MS4A15: variants seen among roughly 807,000 people sequenced by gnomAD.
MS4A15 encodes membrane spanning 4-domains A15.
A neutral mutation model predicts 20.6 loss-of-function variants in MS4A15; 22 were observed. The ratio of observed to expected loss-of-function variants is 1.07; its 90% CI spans 0.76 to 1.52. The LOEUF is 1.52. Ranked by LOEUF, MS4A15 falls within the 40% of genes most tolerant of loss-of-function variation. The pLI is 0.00. For missense variants in MS4A15, 312 were observed against 323.0 expected, an observed-to-expected ratio of 0.97 and a Z score of 0.26; for synonymous variants, 129 against 129.3, an observed-to-expected ratio of 1.00 and a Z score of 0.02.
In MS4A15 at chr11:60,757,699, T is replaced by C. The variant is rs114726684; in HGVS notation, c.-29+641T>C. ...AGGCAATGGCGCCTCCCATCCCCCT[T>C]GAGGAGTCTGGAGGCCGCCCAAGAG... On this transcript the variant is annotated intron_variant, in intron 1 of 6. Transcript: ENST00000405633. Among the ~76,000 whole-genome samples, 699 of 152,222 alleles carry C rather than the reference T, an allele frequency of 4.6e-3. 4 individuals carry two copies. Among genetic ancestry groups the C allele is most frequent in the African/African-American group, 0.016 (664 of 41,526 alleles).
At chr11:60,769,048 G>C (rs1468035484) in intron 3 of MS4A15, among the ~76,000 whole-genome samples, 1 of 152,182 alleles carries the variant, frequency 6.6e-6, no homozygotes, top group Non-Finnish European at 1.5e-5. Flanking sequence ...TTTGCAATCG[G>C]GAGAACCCAT....
At chr11:60,758,438 A>G (rs1459347292) in intron 1 of MS4A15, among the ~76,000 whole-genome samples, 2 of 152,236 alleles carry the variant, frequency 1.3e-5, no homozygotes. Context: ...GCAAATAAGG[A>G]TTGTCAGACA....
In MS4A15 at chr11:60,761,498, G is replaced by A. The variant is rs555695870; in HGVS notation, c.-28-2208G>A. Among the ~76,000 whole-genome samples the A allele has an allele frequency of 2.8e-4, 43 of 152,194 alleles. No homozygotes were observed. The South Asian group carries it at 4.8e-3, about 17-fold the overall frequency. ...TCCAGACAGCCTGCGCCATGTCAAGGGCCTCTGTTTGATAATGGCACCTTA... is the reference window on the plus strand; with the variant it reads ...TCCAGACAGCCTGCGCCATGTCAAGAGCCTCTGTTTGATAATGGCACCTTA... On this transcript the variant is annotated intron_variant, in intron 1 of 6. Transcript: ENST00000405633.
Position 60,763,852 on chromosome 11 carries a change from T to C in MS4A15, c.119T>C (p.Met40Thr). Residue 40 changes from methionine (M) to threonine (T), a missense_variant, in exon 2 of 7, where the codon ATG (methionine) becomes ACG (threonine). Physicochemically the swap from Met to Thr is moderately conservative, Grantham distance 81. Coordinates refer to ENST00000405633, the MANE Select transcript of MS4A15 (RefSeq NM_001098835.2). ...TCCATGTGCCAACCTCCAGGGATTA[T>C]GCAGTTTGAGGAGCCACCGCTGGGG... ...PTSMCQPPGIMQFEEPPLGAQ... is the reference protein window; with the variant it reads ...PTSMCQPPGITQFEEPPLGAQ... 4 of 1,612,878 alleles carry C rather than the reference T, an allele frequency of 2.5e-6. No homozygotes were observed. Among genetic ancestry groups the C allele is most frequent in the Non-Finnish European group, 3.4e-6 (4 of 1,179,890 alleles).
intron 1 of MS4A15, among the ~76,000 whole-genome samples, chr11:60,759,473 G>A (rs973684709): frequency 1.1e-4 from 16 of 152,242 alleles, no homozygotes; most frequent in African/African-American, 1.9e-4. Context: ...GAGACAGCCC[G>A]AGATATGGCC....
At chr11:60,775,131 C>A (rs1228061809) in intron 6 of MS4A15, among the ~76,000 whole-genome samples, 1 of 152,040 alleles carries the variant, frequency 6.6e-6, no homozygotes, top group East Asian at 1.9e-4. Flanking sequence ...GCCTGGCCAA[C>A]ATGATGAAAC....
At chr11:60,775,512 G>A (rs1310415579) in intron 6 of MS4A15, 93 bp from the exon 7 acceptor site, 2 of 943,106 alleles carry the variant, frequency 2.1e-6, no homozygotes, top group East Asian at 4.8e-5. Context: ...GTACCAGGGC[G>A]CTGTTCTCAG....
chr11:60,774,987 C>T (rs950222023), intron 6 of MS4A15, among the ~76,000 whole-genome samples: 1 of 152,148 alleles, frequency 6.6e-6, no homozygotes, highest in African/African-American at 2.4e-5. Flanking sequence ...CAAGAGAGAG[C>T]GAAGTCCTGA....
rs765616209 is a variant in MS4A15, at chr11:60,763,832, G to A, written c.99G>A (p.Met33Ile). The part of the protein sequence containing the change: ...CPPPAILPTS[M>I]CQPPGIMQFE... ...CTCCGGCCATTCTGCCCACATCCAT[G>A]TGCCAACCTCCAGGGATTATGCAGT... is the stretch of plus-strand genomic sequence containing the variant. The change falls in exon 2 of 7, where the codon ATG becomes ATA. Residue 33 changes from methionine to isoleucine, a missense_variant. Transcript: ENST00000405633. 2 of 1,612,666 alleles carry A rather than the reference G, an allele frequency of 1.2e-6. No individual in the cohort carries two copies. The highest frequency in any genetic ancestry group is 2.2e-5 in the South Asian group (2 of 91,008).
At chr11:60,770,509 A>T (rs1854006647) in intron 3 of MS4A15, among the ~76,000 whole-genome samples, 1 of 151,472 alleles carries the variant, frequency 6.6e-6, no homozygotes, top group Non-Finnish European at 1.5e-5. Context: ...GGGGCAGGAG[A>T]ATCACTTGAA....
chr11:60,757,484 G>A (rs987354469), intron 1 of MS4A15, among the ~76,000 whole-genome samples: 2 of 152,160 alleles, frequency 1.3e-5, no homozygotes, highest in Non-Finnish European at 1.5e-5. Flanking sequence ...GGAAGAACAG[G>A]AGCCAACCAG....
chr11:60,771,576 G>C, intron 4 of MS4A15: 9 of 1,523,336 alleles, frequency 5.9e-6, no homozygotes, highest in Non-Finnish European at 7.9e-6. Context: ...TGGAAAGTGA[G>C]GTCCATGCTC....
chr11:60,767,459 C>T lies in MS4A15; in HGVS notation c.226-74C>T, dbSNP rs925520253. 22 of 1,405,552 alleles carry T rather than the reference C, an allele frequency of 1.6e-5. No homozygotes were observed. The African/African-American group carries it at 2.2e-4, about 14-fold the overall frequency. The allele number at this position is 1,405,552 out of a possible 1,614,324, so 87.1% of individuals were successfully genotyped here. A position where few individuals can be genotyped will look rare whatever the true frequency, so the allele number is the denominator to read the frequency against. On this transcript the variant is annotated intron_variant, in intron 2 of 6. Coordinates refer to ENST00000405633, the MANE Select transcript of MS4A15 (RefSeq NM_001098835.2). ...CAAGCGGGAGGAGGGCGGGGCCAGC[C>T]ACGCTCTCCGCGGGGCCGGCAGGGG...
chr11:60,763,325 GA>G (rs1000954591), intron 1 of MS4A15, among the ~76,000 whole-genome samples: 2 of 152,134 alleles, frequency 1.3e-5, no homozygotes, highest in Non-Finnish European at 1.5e-5. Context: ...TCGGGGTGAA[GA>G]AACCGGTACT....
chr11:60,760,592 G>A (rs994119629), intron 1 of MS4A15, among the ~76,000 whole-genome samples: 2 of 152,144 alleles, frequency 1.3e-5, no homozygotes, highest in Admixed American at 1.3e-4. Context: ...TCCACAAACT[G>A]TAAAACTGAT....
At chr11:60,762,013 T>A (rs1331415530) in intron 1 of MS4A15, among the ~76,000 whole-genome samples, 1 of 152,180 alleles carries the variant, frequency 6.6e-6, no homozygotes, top group African/African-American at 2.4e-5. Context: ...GGGAAGGAGA[T>A]TCAACCCTGC....
intron 1 of MS4A15, among the ~76,000 whole-genome samples, chr11:60,762,573 A>G (rs1487809423): frequency 6.6e-6 from 1 of 152,274 alleles, no homozygotes; most frequent in African/African-American, 2.4e-5. Context: ...TGGGTTAAAC[A>G]TACACATTTG....
chr11:60,771,569 A>G, intron 4 of MS4A15: 1 of 1,526,324 alleles, frequency 6.6e-7, no homozygotes, highest in Non-Finnish European at 8.8e-7. Context: ...GCCAGGGTGG[A>G]AAGTGAGGTC....
chr11:60,771,939 G>A (rs1009570000), intron 4 of MS4A15, among the ~76,000 whole-genome samples: 1 of 152,198 alleles, frequency 6.6e-6, no homozygotes, highest in Non-Finnish European at 1.5e-5. Flanking sequence ...ACACGGCAGC[G>A]AAGGTCATGA....
Sources: allele counts gnomAD v4.1 joint callset (sites outside exome capture counted in the v4.1 genomes callset), GRCh38; gene constraint gnomAD v4.1.1; transcripts MANE v1.5; gene names NCBI Gene and HGNC (gene_info 2026-07-23, HGNC 2026-07-21).